Variants in KIAA0513 observed in about 807,000 individuals in gnomAD.
The protein encoded by KIAA0513 is KIAA0513.
In KIAA0513, 39 loss-of-function variants were observed where a neutral mutation model predicts 56.5. That is an observed-to-expected ratio of 0.69 (90% CI 0.53 to 0.90). The LOEUF is 0.90. Among genes scored for constraint, KIAA0513 ranks in the 40% least tolerant of loss-of-function variants. The pLI, the probability that KIAA0513 is intolerant of heterozygous loss-of-function variation, is 0.00. For synonymous variants in KIAA0513, 268 were observed against 215.6 expected (o/e 1.24, Z -2.13); for missense variants, 591 against 535.2 (o/e 1.10, Z -1.03).
At chr16:85,055,074 C>T (rs775150951) in intron 1 of KIAA0513, among the ~76,000 whole-genome samples, 26 of 152,090 alleles carry the variant, frequency 1.7e-4, no homozygotes, top group Non-Finnish European at 2.9e-4. Context: ...AGGTGTGTGG[C>T]ACCACGCCCA....
rs147988100 is a variant in KIAA0513, at chr16:85,071,507, C to T, written c.330-276C>T. Among the ~76,000 whole-genome samples the T allele has an allele frequency of 8.6e-3, 1,306 of 152,328 alleles. 11 individuals are homozygous for T. Among genetic ancestry groups the T allele is most frequent in the Middle Eastern group, 0.024 (7 of 294 alleles). On this transcript the variant is annotated intron_variant, in intron 2 of 12. Transcript: ENST00000683363. ...GGGGTCAGGAGGCGCAGGGGAAGGA[C>T]ATGGGCTTTGGAACCAGGAAGGCTG...
chr16:85,054,685 C>G (rs1277017093), intron 1 of KIAA0513, among the ~76,000 whole-genome samples: 2 of 152,082 alleles, frequency 1.3e-5, no homozygotes. Flanking sequence ...CCTCCTCAGC[C>G]TCCCACAGTT....
At chr16:85,052,533 GTCAA>G (rs1223357214) in intron 1 of KIAA0513, among the ~76,000 whole-genome samples, 2 of 152,158 alleles carry the variant, frequency 1.3e-5, no homozygotes, top group Non-Finnish European at 2.9e-5. Context: ...CAGTCAATCA[GTCAA>G]TCAATCAATC....
Position 85,088,393 on chromosome 16 carries a change from C to T in KIAA0513, c.*68C>T, listed in dbSNP as rs57107199. The T allele has an allele frequency of 2.4e-3, 3,251 of 1,381,598 alleles. 72 individuals are homozygous for T. In the African/African-American group the frequency reaches 0.042, roughly 18 times the overall value. 85.6% of individuals were successfully genotyped at this position (1,381,598 alleles called of 1,614,324 possible). On this transcript the variant is annotated 3_prime_UTR_variant, in exon 13 of 13. Transcript: ENST00000683363. ...CATTCTCCCGGGCCCAGCGCCCGGCCGTCACCCCACCCGATGACCTGCATG... is the reference window on the plus strand; with the variant it reads ...CATTCTCCCGGGCCCAGCGCCCGGCTGTCACCCCACCCGATGACCTGCATG...
intron 1 of KIAA0513, among the ~76,000 whole-genome samples, chr16:85,050,359 ATTTT>A (rs869120787): frequency 1.5e-3 from 97 of 65,694 alleles, no homozygotes; most frequent in East Asian, 0.013. Context: ...TTATTTATTT[ATTTT>A]TTTTGAGACG....
Position 85,067,205 on chromosome 16 carries a change from G to T in KIAA0513, c.134G>T (p.Ser45Ile), listed in dbSNP as rs768410996. Residue 45 changes from serine to isoleucine, a missense_variant, in exon 2 of 13, where the codon AGT becomes ATT. Transcript: ENST00000683363. ...TCCCTGGGGGACGGTGCATCAGAGA[G>T]TGAGACCACTGAGTCTGCGGACAGT... The part of the protein sequence containing the change: ...DGSLGDGASE[S>I]ETTESADSEN... The T allele has an allele frequency of 6.2e-7, 1 of 1,614,172 alleles. No individual in the cohort carries two copies. Among genetic ancestry groups the T allele is most frequent in the Non-Finnish European group, 8.5e-7 (1 of 1,180,012 alleles).
chr16:85,042,596 G>T lies in KIAA0513; in HGVS notation c.-173+14738G>T, dbSNP rs186125088. Among the ~76,000 whole-genome samples, 70 of 152,300 alleles carry T rather than the reference G, an allele frequency of 4.6e-4. No homozygotes were observed. The East Asian group carries it at 0.013, about 29-fold the overall frequency. On this transcript the variant is annotated intron_variant, in intron 1 of 12. Transcript: ENST00000683363. ...CCATAAAGTGGGGATAATAGTTTTA[G>T]CTCATATGTTACTGGAGAATGAAAT...
Position 85,068,709 on chromosome 16 carries a change from C to T in KIAA0513, c.329+1309C>T, listed in dbSNP as rs553742838. ...CTCGAACTCCTGACTTCAGGTGATCCGCCTGCCTCGGCCTCCCAAAGTGCT... is the reference window on the plus strand; with the variant it reads ...CTCGAACTCCTGACTTCAGGTGATCTGCCTGCCTCGGCCTCCCAAAGTGCT... On this transcript the variant is annotated intron_variant, in intron 2 of 12. Coordinates refer to ENST00000683363, the MANE Select transcript of KIAA0513 (RefSeq NM_001388359.1). Among the ~76,000 whole-genome samples the T allele has an allele frequency of 2.0e-5, 3 of 152,254 alleles. No homozygotes were observed. In the East Asian group the frequency reaches 5.8e-4, roughly 29 times the overall value.
intron 1 of KIAA0513, among the ~76,000 whole-genome samples, chr16:85,057,935 C>G (rs938432426): frequency 6.6e-6 from 1 of 152,042 alleles, no homozygotes; most frequent in Non-Finnish European, 1.5e-5. Context: ...ATTGGTGACC[C>G]CAACATTTTT....
At chr16:85,051,452 C>A (rs181451979) in intron 1 of KIAA0513, among the ~76,000 whole-genome samples, 1 of 152,258 alleles carries the variant, frequency 6.6e-6, no homozygotes, top group East Asian at 1.9e-4. Context: ...GTTCAATGGC[C>A]TCTCCCTGTT....
At chr16:85,029,555 C>A (rs950137495) in intron 1 of KIAA0513, among the ~76,000 whole-genome samples, 9 of 152,358 alleles carry the variant, frequency 5.9e-5, no homozygotes, top group African/African-American at 2.2e-4. Context: ...ATAGTAGCCC[C>A]AGCGGCTCTG....
chr16:85,083,068 C>T (rs933848268), intron 10 of KIAA0513, among the ~76,000 whole-genome samples: 1 of 152,218 alleles, frequency 6.6e-6, no homozygotes, highest in Admixed American at 6.5e-5. Flanking sequence ...AGAGCCTGTC[C>T]TGTTTGCAAC....
rs1378451068 is a variant in KIAA0513 at position 85,090,970 on chromosome 16, C to G, written c.*2645C>G. Reference sequence around the variant, plus strand: ...AGACCCAGCCACACTGCTCAAAGGTCCCTGCGTGGGGAGGTGTCACACCAG... The same window carrying G: ...AGACCCAGCCACACTGCTCAAAGGTGCCTGCGTGGGGAGGTGTCACACCAG... On this transcript the variant is annotated 3_prime_UTR_variant, in exon 13 of 13. Transcript: ENST00000683363. 6.6e-6 allele frequency: 1 copy of G among 152,276 alleles called. No homozygotes were observed. The highest frequency in any genetic ancestry group is 2.4e-5 in the African/African-American group (1 of 41,458). 9.4% of individuals were successfully genotyped at this position (152,276 alleles called of 1,614,324 possible).
At position 85,093,199 on chromosome 16, in the gene KIAA0513, G is replaced by A. The variant is rs115321175; in HGVS notation, c.*4874G>A. The A allele has an allele frequency of 0.053, 8,066 of 151,618 alleles. 294 individuals carry two copies. The highest frequency in any genetic ancestry group is 0.12 in the South Asian group (590 of 4,760). The allele number at this position is 151,618 out of a possible 1,614,324, so 9.4% of individuals were successfully genotyped here. On this transcript the variant is annotated 3_prime_UTR_variant, in exon 13 of 13. Coordinates refer to ENST00000683363, the MANE Select transcript of KIAA0513 (RefSeq NM_001388359.1). ...TGGGAGCGCGGCGCTGCCTGTAGCT[G>A]TGCCTGGGGATGCACGTGGCCACGG...
At chr16:85,070,170 C>CAAAA (rs541754961) in intron 2 of KIAA0513, among the ~76,000 whole-genome samples, 1 of 91,936 alleles carries the variant, frequency 1.1e-5, no homozygotes, top group African/African-American at 4.7e-5. Context: ...GACCCTGTCT[C>CAAAA]AAAAAAAAAA....
At chr16:85,034,106 TGGTGGCTGATGC>T (rs2073003439) in intron 1 of KIAA0513, among the ~76,000 whole-genome samples, 1 of 152,160 alleles carries the variant, frequency 6.6e-6, no homozygotes, top group Non-Finnish European at 1.5e-5. Context: ...AGGCCAGGCA[TGGTGGCTGATGC>T]CTGTAATCCC....
At chr16:85,087,029 C>A in intron 11 of KIAA0513, 43 bp from the exon 12 acceptor site, 1 of 1,588,078 alleles carries the variant, frequency 6.3e-7, no homozygotes, top group South Asian at 1.1e-5. Context: ...GGCCCTTTCC[C>A]CTGGGAGGCC....
At chr16:85,052,067 A>G (rs1404356706) in intron 1 of KIAA0513, among the ~76,000 whole-genome samples, 1 of 151,396 alleles carries the variant, frequency 6.6e-6, no homozygotes, top group Non-Finnish European at 1.5e-5. Flanking sequence ...CACGCCTGTA[A>G]TCCCAGCACT....
intron 1 of KIAA0513, 81 bp downstream of exon 1, chr16:85,027,939 TG>T (rs2072910707): frequency 1.0e-5 from 1 of 95,310 alleles, no homozygotes; most frequent in Non-Finnish European, 2.2e-5. Flanking sequence ...GGACCCGGGA[TG>T]GGGGTCTGCG....
Sources: gnomAD v4.1 joint callset for allele counts (sites outside exome capture counted in the v4.1 genomes callset) on GRCh38, gnomAD v4.1.1 for gene constraint, MANE v1.5 for transcripts, NCBI Gene and HGNC (gene_info 2026-07-23, HGNC 2026-07-21) for gene names.